The following SEMA6D variants were observed in gnomAD, a reference collection of about 807,000 sequenced individuals.
SEMA6D encodes semaphorin 6D.
Under a neutral mutation model 106.6 loss-of-function variants are expected in SEMA6D, and 35 were observed. The ratio of observed to expected loss-of-function variants is 0.33; its 90% CI spans 0.25 to 0.44. The LOEUF is 0.44. Ranked by LOEUF, SEMA6D falls within the 20% of genes least tolerant of loss-of-function variation. The probability of loss-of-function intolerance (pLI) is 1.00; values close to 1 mark genes in which losing one functional copy is unlikely to be tolerated. For synonymous variants in SEMA6D, 499 were observed against 487.7 expected (o/e 1.02, Z -0.31); for missense variants, 1,185 against 1,345.9 (o/e 0.88, Z 1.87).
intron 1 of SEMA6D, among the ~76,000 whole-genome samples, chr15:47,738,491 A>C (rs2080589334): frequency 6.6e-6 from 1 of 152,200 alleles, no homozygotes; most frequent in Non-Finnish European, 1.5e-5. Context: ...AAGACATTTT[A>C]GGGACAAGTT....
chr15:47,205,252 TCTC>T (rs894802625), intron 1 of SEMA6D, among the ~76,000 whole-genome samples: 4 of 152,196 alleles, frequency 2.6e-5, no homozygotes, highest in African/African-American at 9.6e-5. Flanking sequence ...TTTATTGTCT[TCTC>T]CTTTTTGCTC....
upstream of SEMA6D, among the ~76,000 whole-genome samples, chr15:47,715,969 C>T (rs1164463292): frequency 6.6e-6 from 1 of 152,166 alleles, no homozygotes; most frequent in Non-Finnish European, 1.5e-5. Flanking sequence ...AATAACTGGA[C>T]GCCAGGAAAC....
intron 1 of SEMA6D, among the ~76,000 whole-genome samples, chr15:47,754,335 A>G (rs764128663): frequency 1.5e-4 from 23 of 152,202 alleles, no homozygotes; most frequent in Non-Finnish European, 1.3e-4. Flanking sequence ...TTTAGTTTGC[A>G]TCTGGAACAA....
At chr15:47,699,812 C>A (rs1448406521) in intron 4 of SEMA6D, among the ~76,000 whole-genome samples, 1 of 152,098 alleles carries the variant, frequency 6.6e-6, no homozygotes, top group African/African-American at 2.4e-5. Flanking sequence ...TTAGCTAATG[C>A]AATAAAAACA....
chr15:47,186,636 T>G (rs547943232), intron 1 of SEMA6D, among the ~76,000 whole-genome samples: 3 of 152,340 alleles, frequency 2.0e-5, no homozygotes, highest in South Asian at 2.1e-4. Flanking sequence ...CAATTGTTCT[T>G]TTGTCTACTT....
At chr15:47,206,180 G>A (rs986067691) in intron 1 of SEMA6D, among the ~76,000 whole-genome samples, 2 of 152,152 alleles carry the variant, frequency 1.3e-5, no homozygotes, top group African/African-American at 4.8e-5. Context: ...TATCCAATAT[G>A]TATTAATGTT....
intron 3 of SEMA6D, among the ~76,000 whole-genome samples, chr15:47,481,265 A>G (rs2043146128): frequency 6.6e-6 from 1 of 152,116 alleles, no homozygotes; most frequent in South Asian, 2.1e-4. Context: ...TCCCAGTTGC[A>G]GGGTTCTAAA....
rs187965213 is a variant in SEMA6D, at chr15:47,393,124, T to G, written c.-238-19269T>G. ...ATATATGGGCATTGGAAAATTCTGGTATTTCATAAGCATTCACAGTGGAAT... is the reference window on the plus strand; with the variant it reads ...ATATATGGGCATTGGAAAATTCTGGGATTTCATAAGCATTCACAGTGGAAT... On this transcript the variant is annotated intron_variant, in intron 1 of 19. Coordinates refer to the SEMA6D transcript ENST00000558014. 3.5e-3 allele frequency among the ~76,000 whole-genome samples: 532 copies of G among 152,356 alleles called. 3 individuals carry two copies. The highest frequency in any genetic ancestry group is 4.1e-3 in the South Asian group (20 of 4,830).
At chr15:47,643,501 G>GGATTTTAGTAAAATGCA (rs1191977875) in intron 4 of SEMA6D, among the ~76,000 whole-genome samples, 2 of 152,112 alleles carry the variant, frequency 1.3e-5, no homozygotes, top group Non-Finnish European at 2.9e-5. Context: ...AATCACTTGG[G>GGATTTTAGTAAAATGCA]GATTTTAGTA....
chr15:47,326,087 C>G (rs2037120222), intron 1 of SEMA6D, among the ~76,000 whole-genome samples: 1 of 152,168 alleles, frequency 6.6e-6, no homozygotes. Context: ...GAAAACCTCC[C>G]TAAGCTGTAC....
rs71118191 is a variant in SEMA6D at position 47,657,719 on chromosome 15, C to CTTT, written c.-55+56861_-55+56863dup. ...CATTTAGTGACAGAGGGCTTCATTTCTTTTTTTTTTTTTTTTTTTTTTTTT... is the reference window on the plus strand; with the variant it reads ...CATTTAGTGACAGAGGGCTTCATTTCTTTTTTTTTTTTTTTTTTTTTTTTTTTT... On this transcript the variant is annotated intron_variant, in intron 4 of 19. Transcript: ENST00000558014. Among the ~76,000 whole-genome samples, 29 of 54,672 alleles carry CTTT rather than the reference C, an allele frequency of 5.3e-4. 8 individuals are homozygous for CTTT. The highest frequency in any genetic ancestry group is 1.3e-3 in the Admixed American group (5 of 3,990). The allele number at this position is 54,672 out of a possible 152,430, so 35.9% of individuals were successfully genotyped here.
At chr15:47,408,452 C>T (rs1040307262) in intron 1 of SEMA6D, among the ~76,000 whole-genome samples, 3 of 152,190 alleles carry the variant, frequency 2.0e-5, no homozygotes, top group African/African-American at 7.2e-5. Flanking sequence ...CTCTGACTTC[C>T]TTCTATATCA....
At chr15:47,661,502 T>A (rs1313907603) in intron 4 of SEMA6D, among the ~76,000 whole-genome samples, 1 of 152,226 alleles carries the variant, frequency 6.6e-6, no homozygotes, top group East Asian at 1.9e-4. Flanking sequence ...GGAAACTGCA[T>A]GAAGAGCTGG....
chr15:47,466,543 T>A (rs2042664897), intron 2 of SEMA6D, among the ~76,000 whole-genome samples: 1 of 152,174 alleles, frequency 6.6e-6, no homozygotes. Context: ...CAAATTTTCT[T>A]TATCCAGTCA....
chr15:47,209,035 G>C (rs2141191851), intron 1 of SEMA6D, among the ~76,000 whole-genome samples: 1 of 151,474 alleles, frequency 6.6e-6, no homozygotes, highest in Non-Finnish European at 1.5e-5. Flanking sequence ...TACTCTTTGA[G>C]ATATTCTTTG....
At chr15:47,392,034 A>C (rs972057886) in intron 1 of SEMA6D, among the ~76,000 whole-genome samples, 4 of 152,116 alleles carry the variant, frequency 2.6e-5, no homozygotes, top group African/African-American at 9.7e-5. Context: ...TTTTTTAAAA[A>C]ACTGTAAAAC....
At chr15:47,208,287 G>A (rs915201258) in intron 1 of SEMA6D, among the ~76,000 whole-genome samples, 23 of 151,954 alleles carry the variant, frequency 1.5e-4, no homozygotes, top group African/African-American at 5.1e-4. Context: ...AGAAAATACC[G>A]AATAAGTATT....
chr15:47,230,443 A>G (rs1445424639), intron 1 of SEMA6D, among the ~76,000 whole-genome samples: 2 of 152,062 alleles, frequency 1.3e-5, no homozygotes, highest in Non-Finnish European at 1.5e-5. Context: ...AAACATCACT[A>G]TAGTGTCAGT....
At chr15:47,682,175 T>A (rs2078368156) in intron 4 of SEMA6D, among the ~76,000 whole-genome samples, 1 of 151,604 alleles carries the variant, frequency 6.6e-6, no homozygotes. Context: ...TGCCACTTTT[T>A]TTTTTTTTTT....
Sources: gnomAD v4.1 joint callset for allele counts (sites outside exome capture counted in the v4.1 genomes callset) on GRCh38, gnomAD v4.1.1 for gene constraint, MANE v1.5 for transcripts, NCBI Gene and HGNC (gene_info 2026-07-23, HGNC 2026-07-21) for gene names.